Variants in TMEM184C observed in about 807,000 individuals in gnomAD.
The protein encoded by TMEM184C is transmembrane protein 34.
In TMEM184C, 25 loss-of-function variants were observed where a neutral mutation model predicts 54.5. That is an observed-to-expected ratio of 0.46 (90% CI 0.33 to 0.64). TMEM184C has a LOEUF of 0.64. TMEM184C is among the 30% of genes least tolerant of loss of function. The probability of loss-of-function intolerance (pLI) is 0.02; values close to 1 mark genes in which losing one functional copy is unlikely to be tolerated. For synonymous variants in TMEM184C, 148 were observed against 181.5 expected (o/e 0.82, Z 1.49); for missense variants, 335 against 520.3 (o/e 0.64, Z 3.46).
chr4:147,623,305 T>A (rs546376863), intron 1 of TMEM184C, among the ~76,000 whole-genome samples: 45 of 151,782 alleles, frequency 3.0e-4, no homozygotes, highest in Admixed American at 8.5e-4. Flanking sequence ...AAAAATTAGC[T>A]GGGTGTGTAA....
chr4:147,628,209 C>T lies in TMEM184C; in HGVS notation c.498-152C>T. On this transcript the variant is annotated intron_variant, in intron 4 of 9. Transcript: ENST00000296582. Reference sequence around the variant, plus strand: ...TAATTTGTTTCCTGCCATCCACATTCTTCTGCCACTGCTATTAAGGATGAC... The same window carrying T: ...TAATTTGTTTCCTGCCATCCACATTTTTCTGCCACTGCTATTAAGGATGAC... The T allele has an allele frequency of 6.3e-6, 4 of 630,224 alleles. No homozygotes were observed. In the Admixed American group the frequency reaches 9.3e-5, roughly 15 times the overall value. The allele number at this position is 630,224 out of a possible 1,614,324, so 39.0% of individuals were successfully genotyped here.
At chr4:147,619,189 GTTGT>G (rs892658447) in intron 1 of TMEM184C, among the ~76,000 whole-genome samples, 3 of 148,972 alleles carry the variant, frequency 2.0e-5, no homozygotes, top group East Asian at 2.0e-4. Context: ...TGTTGTTGTT[GTTGT>G]TTATTTTTAT....
At chr4:147,624,665 T>C (rs1243275774) in intron 3 of TMEM184C, 139 bp from the exon 4 acceptor site, 5 of 712,396 alleles carry the variant, frequency 7.0e-6, no homozygotes, top group Non-Finnish European at 1.1e-5. Context: ...CTCATAATGA[T>C]AAATTTTAGA....
chr4:147,630,644 A>C (rs1430759474), intron 6 of TMEM184C, among the ~76,000 whole-genome samples: 1 of 152,234 alleles, frequency 6.6e-6, no homozygotes, highest in East Asian at 1.9e-4. Context: ...AACATTAGGC[A>C]ATAAAATTTT....
At chr4:147,631,279 C>A in intron 6 of TMEM184C, 114 bp from the exon 7 acceptor site, 2 of 661,784 alleles carry the variant, frequency 3.0e-6, no homozygotes, top group Non-Finnish European at 5.0e-6. Context: ...AATAATAAAG[C>A]CTAGAAAAGT....
chr4:147,631,629 A>G, intron 7 of TMEM184C, 124 bp downstream of exon 7: 1 of 697,352 alleles, frequency 1.4e-6, no homozygotes, highest in Non-Finnish European at 2.4e-6. Context: ...TTCTCTTTTT[A>G]AAAGTTCATC....
chr4:147,630,952 A>C (rs1164788852), intron 6 of TMEM184C, among the ~76,000 whole-genome samples: 1 of 152,120 alleles, frequency 6.6e-6, no homozygotes, highest in African/African-American at 2.4e-5. Context: ...GATTCTTTAC[A>C]TTCAGATTTC....
At chr4:147,631,178 G>A (rs926267795) in intron 6 of TMEM184C, among the ~76,000 whole-genome samples, 2 of 152,076 alleles carry the variant, frequency 1.3e-5, no homozygotes, top group African/African-American at 2.4e-5. Flanking sequence ...AACCCAGGAA[G>A]TGAACACTTA....
At chr4:147,634,051 A>C in intron 9 of TMEM184C, 115 bp downstream of exon 9, 1 of 1,510,966 alleles carries the variant, frequency 6.6e-7, no homozygotes, top group East Asian at 2.3e-5. Flanking sequence ...GCAGTACCAC[A>C]GTGCAGGCTC....
At position 147,634,414 on chromosome 4, in the gene TMEM184C, G is replaced by C; in HGVS notation, c.1297G>C (p.Asp433His). ...TATAGGAGAGAAAAAAGAACCTTCA[G>C]ATAAATCCGTGGATTCCTGAACAGT... is the stretch of plus-strand genomic sequence containing the variant. ...DTIGEKKEPS[D>H]KSVDS Residue 433 changes from aspartate to histidine, a missense_variant, in exon 10 of 10, where the codon GAT (aspartate) becomes CAT (histidine). By Grantham distance (81) the Asp-to-His change is moderately conservative. Transcript: ENST00000296582. The C allele has an allele frequency of 6.2e-7, 1 of 1,613,986 alleles. No individual in the cohort carries two copies.
chr4:147,635,750 C>G lies in TMEM184C; in HGVS notation c.*1316C>G, dbSNP rs984129004. 3 of 151,550 alleles carry G rather than the reference C, an allele frequency of 2.0e-5. No homozygotes were observed. The highest frequency in any genetic ancestry group is 7.3e-5 in the African/African-American group (3 of 41,272). The allele number at this position is 151,550 out of a possible 1,614,324, so 9.4% of individuals were successfully genotyped here. On this transcript the variant is annotated 3_prime_UTR_variant, in exon 10 of 10. Coordinates refer to ENST00000296582, the MANE Select transcript of TMEM184C (RefSeq NM_018241.3). ...TGTAAAAACCCCAAAGATACACACA[C>G]AAAAAAAATCTGTTTGTTAGAACTC...
rs1189191333 is a variant in TMEM184C at position 147,623,814 on chromosome 4, A to AT, written c.124-19dup. On this transcript the variant is annotated intron_variant, in intron 1 of 9. Coordinates refer to ENST00000296582, the MANE Select transcript of TMEM184C (RefSeq NM_018241.3). ...TTTTAATATCAGAATTTATATTAAC[A>AT]TGTTATTTTGTTTCTTAAGGTTGGA... is the stretch of plus-strand genomic sequence containing the variant. 32 of 1,611,274 alleles carry AT rather than the reference A, an allele frequency of 2.0e-5. No individual in the cohort carries two copies. The highest frequency in any genetic ancestry group is 2.5e-5 in the Non-Finnish European group (29 of 1,178,780).
At chr4:147,630,084 T>C (rs752068721) in intron 6 of TMEM184C, among the ~76,000 whole-genome samples, 26 of 151,772 alleles carry the variant, frequency 1.7e-4, no homozygotes, top group Non-Finnish European at 2.9e-5. Flanking sequence ...TATTTGATGG[T>C]ACAGGGTTTG....
intron 8 of TMEM184C, 58 bp from the exon 9 acceptor site, chr4:147,633,707 C>T (rs1294540275): frequency 1.4e-6 from 2 of 1,387,604 alleles, no homozygotes; most frequent in Non-Finnish European, 1.9e-6. Context: ...AAAGATAGCA[C>T]TCTACAAACC....
chr4:147,621,208 T>G (rs1033909537), intron 1 of TMEM184C, among the ~76,000 whole-genome samples: 1 of 152,184 alleles, frequency 6.6e-6, no homozygotes, highest in African/African-American at 2.4e-5. Context: ...CCTCATGCCC[T>G]TAGGTCAGTT....
intron 6 of TMEM184C, among the ~76,000 whole-genome samples, chr4:147,630,529 G>A (rs1456967329): frequency 2.0e-5 from 3 of 151,950 alleles, no homozygotes; most frequent in Non-Finnish European, 4.4e-5. Context: ...CCAATGTTAG[G>A]GACTAGTTGA....
chr4:147,628,488 T>C, intron 5 of TMEM184C, 53 bp downstream of exon 5: 2 of 1,417,104 alleles, frequency 1.4e-6, no homozygotes, highest in South Asian at 2.4e-5. Flanking sequence ...TGATCTTATG[T>C]GGGAACAACT....
intron 1 of TMEM184C, among the ~76,000 whole-genome samples, chr4:147,622,793 A>C (rs1259342695): frequency 3.9e-5 from 6 of 152,016 alleles, no homozygotes; most frequent in Non-Finnish European, 8.8e-5. Context: ...ACAGGGTCTC[A>C]CTCTGTTGCC....
chr4:147,626,321 T>G (rs975783438), intron 4 of TMEM184C, among the ~76,000 whole-genome samples: 4 of 152,184 alleles, frequency 2.6e-5, no homozygotes, highest in Non-Finnish European at 4.4e-5. Context: ...TCTCTCAAAG[T>G]TAGTTCAGCC....
Sources: allele counts gnomAD v4.1 joint callset (sites outside exome capture counted in the v4.1 genomes callset), GRCh38; gene constraint gnomAD v4.1.1; transcripts MANE v1.5; gene names NCBI Gene and HGNC (gene_info 2026-07-23, HGNC 2026-07-21).